The following SPATS2L variants were observed in gnomAD, a reference collection of about 807,000 sequenced individuals.
The protein encoded by SPATS2L is spermatogenesis associated serine rich 2 like, also known as SPATS2-like protein.
Under a neutral mutation model 59.6 loss-of-function variants are expected in SPATS2L, and 30 were observed. The observed-to-expected ratio is 0.50, with a 90% CI of 0.38 to 0.68. The LOEUF (loss-of-function observed/expected upper bound fraction) is 0.68. Among genes scored for constraint, SPATS2L ranks in the 30% least tolerant of loss-of-function variants. The pLI is 0.00. For synonymous variants in SPATS2L, 252 were observed against 263.5 expected (o/e 0.96, Z 0.42); for missense variants, 615 against 700.0 (o/e 0.88, Z 1.37).
At chr2:200,460,033 C>T (rs1228687733) in intron 9 of SPATS2L, among the ~76,000 whole-genome samples, 6 of 152,316 alleles carry the variant, frequency 3.9e-5, no homozygotes, top group African/African-American at 1.2e-4. Flanking sequence ...AGTTGTAACA[C>T]TCACCTCGTA....
chr2:200,341,547 A>G (rs2080324122), intron 2 of SPATS2L, among the ~76,000 whole-genome samples: 1 of 149,558 alleles, frequency 6.7e-6, no homozygotes, highest in Non-Finnish European at 1.5e-5. Context: ...TGCTGCTTGG[A>G]TATACTGCTG....
At chr2:200,472,248 G>A (rs2087106784) in intron 11 of SPATS2L, among the ~76,000 whole-genome samples, 1 of 152,190 alleles carries the variant, frequency 6.6e-6, no homozygotes, top group African/African-American at 2.4e-5. Context: ...GATGCCTTAG[G>A]GGCTGGCGGG....
At chr2:200,468,515 A>C (rs2086787819) in intron 10 of SPATS2L, among the ~76,000 whole-genome samples, 1 of 152,040 alleles carries the variant, frequency 6.6e-6, no homozygotes, top group African/African-American at 2.4e-5. Context: ...TGACTTTTCA[A>C]CTCCCTCCCT....
rs1446096317 is a variant in SPATS2L at position 200,329,459 on chromosome 2, G to A, written c.-44G>A. The A allele has an allele frequency of 6.4e-7, 1 of 1,550,536 alleles. No individual in the cohort carries two copies. Among genetic ancestry groups the A allele is most frequent in the Non-Finnish European group, 8.7e-7 (1 of 1,146,976 alleles). On this transcript the variant is annotated 5_prime_UTR_variant, in exon 2 of 13. Coordinates refer to ENST00000409140, the MANE Select transcript of SPATS2L (RefSeq NM_001100423.2). The stretch of plus-strand genomic sequence containing the variant: ...TCTTCAGAAACCAGGCTGCTTTCAG[G>A]AACATTGCTGTGGATTCCCAGGTGA...
chr2:200,343,969 A>C (rs985256), intron 2 of SPATS2L, among the ~76,000 whole-genome samples: 97,593 of 151,822 alleles, frequency 0.64, 35,569 homozygotes, highest in South Asian at 0.89. Flanking sequence ...TATTTTATCT[A>C]TGTCTTTTAA....
chr2:200,446,450 A>C (rs960953463), intron 8 of SPATS2L, among the ~76,000 whole-genome samples: 2 of 152,150 alleles, frequency 1.3e-5, no homozygotes, highest in African/African-American at 4.8e-5. Context: ...CAATGGGACA[A>C]TTTTGCCCCC....
chr2:200,317,390 T>C (rs2079415267), intron 1 of SPATS2L, among the ~76,000 whole-genome samples: 1 of 152,200 alleles, frequency 6.6e-6, no homozygotes, highest in Admixed American at 6.5e-5. Context: ...AGATAAAATA[T>C]AAAGTGCCTG....
At chr2:200,353,541 T>G (rs2080810070) in intron 2 of SPATS2L, among the ~76,000 whole-genome samples, 1 of 152,162 alleles carries the variant, frequency 6.6e-6, no homozygotes, top group African/African-American at 2.4e-5. Flanking sequence ...ATTTCCACCC[T>G]CTTCCAACCC....
chr2:200,319,334 G>T (rs1243197750), intron 1 of SPATS2L, among the ~76,000 whole-genome samples: 1 of 152,152 alleles, frequency 6.6e-6, no homozygotes, highest in Non-Finnish European at 1.5e-5. Context: ...GAAGGCCGAG[G>T]TGGGCGTATC....
chr2:200,307,446 C>A lies in SPATS2L; in HGVS notation c.-73+524C>A, dbSNP rs995491055. Among the ~76,000 whole-genome samples the A allele has an allele frequency of 3.3e-5, 5 of 152,004 alleles. No individual in the cohort carries two copies. In the East Asian group the frequency reaches 9.7e-4, roughly 29 times the overall value. On this transcript the variant is annotated intron_variant, in intron 1 of 12. Transcript: ENST00000409140. ...GCGGGGGCCGCGGCCCCACTGAACC[C>A]CGCGCCCCTGGCGCCCAGCGGGAGT...
chr2:200,373,568 T>C (rs1271298694), intron 2 of SPATS2L, among the ~76,000 whole-genome samples: 1 of 152,234 alleles, frequency 6.6e-6, no homozygotes, highest in East Asian at 1.9e-4. Flanking sequence ...CTTTTCAGTG[T>C]CTGGTTATCT....
At chr2:200,415,298 C>G (rs982798285) in intron 4 of SPATS2L, among the ~76,000 whole-genome samples, 3 of 152,126 alleles carry the variant, frequency 2.0e-5, no homozygotes, top group African/African-American at 7.2e-5. Context: ...GCCATATGGC[C>G]TTCTGCTTAT....
chr2:200,329,211 A>C (rs1345340822), intron 1 of SPATS2L, among the ~76,000 whole-genome samples: 1 of 152,182 alleles, frequency 6.6e-6, no homozygotes, highest in Non-Finnish European at 1.5e-5. Flanking sequence ...TTTGTGAGGA[A>C]GGTACTGTTA....
intron 2 of SPATS2L, among the ~76,000 whole-genome samples, chr2:200,341,174 A>G (rs923707758): frequency 1.2e-4 from 18 of 152,202 alleles, no homozygotes; most frequent in Non-Finnish European, 1.5e-5. Flanking sequence ...ATTATCATTT[A>G]TCTGTGTTTT....
chr2:200,371,621 T>G (rs2081429392), intron 2 of SPATS2L, among the ~76,000 whole-genome samples: 1 of 152,174 alleles, frequency 6.6e-6, no homozygotes, highest in South Asian at 2.1e-4. Context: ...GAGGAATAAG[T>G]GCACTCTCAA....
At chr2:200,362,494 G>A (rs2081139512) in intron 2 of SPATS2L, among the ~76,000 whole-genome samples, 1 of 152,152 alleles carries the variant, frequency 6.6e-6, no homozygotes, top group African/African-American at 2.4e-5. Context: ...CTGGCAAGAA[G>A]GGGACAAAAG....
intron 2 of SPATS2L, among the ~76,000 whole-genome samples, chr2:200,377,801 G>A (rs536874934): frequency 2.6e-5 from 4 of 152,202 alleles, no homozygotes; most frequent in Non-Finnish European, 4.4e-5. Context: ...TCAATTAGGT[G>A]TAGAACCAGG....
intron 2 of SPATS2L, among the ~76,000 whole-genome samples, chr2:200,388,622 C>G (rs199911633): frequency 4.6e-5 from 6 of 130,868 alleles, no homozygotes; most frequent in Non-Finnish European, 6.5e-5. Context: ...GCCCCCCCCC[C>G]ACCCAGAAAA....
intron 3 of SPATS2L, among the ~76,000 whole-genome samples, chr2:200,392,181 C>T (rs1437022437): frequency 6.6e-6 from 1 of 152,078 alleles, no homozygotes; most frequent in African/African-American, 2.4e-5. Context: ...GGGCTGGTTG[C>T]CCAGGGAACC....
Sources: allele counts gnomAD v4.1 joint callset (sites outside exome capture counted in the v4.1 genomes callset), GRCh38; gene constraint gnomAD v4.1.1; transcripts MANE v1.5; gene names NCBI Gene and HGNC (gene_info 2026-07-23, HGNC 2026-07-21).